Variants in GALNT7 observed in about 807,000 individuals in gnomAD.
The protein encoded by GALNT7 is N-acetylgalactosaminyltransferase 7.
In GALNT7, 60 loss-of-function variants were observed where a neutral mutation model predicts 82.1. The observed-to-expected ratio is 0.73, with a 90% CI of 0.59 to 0.91. The LOEUF is 0.91. Ranked by LOEUF, GALNT7 falls within the 40% of genes least tolerant of loss-of-function variation. The pLI is 0.00. For missense variants in GALNT7, 660 were observed against 804.2 expected (o/e 0.82, Z 2.17); for synonymous variants, 243 against 275.1 (o/e 0.88, Z 1.15).
intron 2 of GALNT7, among the ~76,000 whole-genome samples, chr4:173,265,344 T>A (rs1484713363): frequency 6.6e-6 from 1 of 152,184 alleles, no homozygotes; most frequent in Non-Finnish European, 1.5e-5. Context: ...AGCCAGCTAC[T>A]GTTTGGTGAA....
chr4:173,244,801 A>G (rs1226406708), intron 1 of GALNT7, among the ~76,000 whole-genome samples: 1 of 152,160 alleles, frequency 6.6e-6, no homozygotes, highest in African/African-American at 2.4e-5. Context: ...ACAGGAATTT[A>G]TGATTAATTG....
At chr4:173,191,510 G>C (rs1732628371) in intron 1 of GALNT7, among the ~76,000 whole-genome samples, 1 of 152,180 alleles carries the variant, frequency 6.6e-6, no homozygotes, top group Non-Finnish European at 1.5e-5. Flanking sequence ...AGGTGGGTTT[G>C]GAACTGAAAG....
chr4:173,178,052 T>TGTGCGCGCGCAC (rs563102408), intron 1 of GALNT7, among the ~76,000 whole-genome samples: 1 of 129,510 alleles, frequency 7.7e-6, no homozygotes, highest in African/African-American at 3.1e-5. Flanking sequence ...TGTGTGTGTG[T>TGTGCGCGCGCAC]GCGCGCACGC....
chr4:173,185,126 A>C (rs1229692737), intron 1 of GALNT7, among the ~76,000 whole-genome samples: 1 of 152,272 alleles, frequency 6.6e-6, no homozygotes, highest in Non-Finnish European at 1.5e-5. Flanking sequence ...GTAAAAAAGC[A>C]AAACAAAAAT....
At chr4:173,297,897 G>A in intron 5 of GALNT7, 1 of 1,506,062 alleles carries the variant, frequency 6.6e-7, no homozygotes, top group Non-Finnish European at 8.8e-7. Context: ...GAGGGGCCTG[G>A]GACTGGAGTT....
chr4:173,217,887 A>T (rs1344440270), intron 1 of GALNT7, among the ~76,000 whole-genome samples: 2 of 152,202 alleles, frequency 1.3e-5, no homozygotes, highest in African/African-American at 4.8e-5. Context: ...GATTGTGCCT[A>T]TTGTAAGATA....
At chr4:173,204,070 C>G (rs545131756) in intron 1 of GALNT7, among the ~76,000 whole-genome samples, 56 of 152,274 alleles carry the variant, frequency 3.7e-4, no homozygotes, top group African/African-American at 1.3e-3. Context: ...TCTTTTATCT[C>G]TCCTTAATTC....
rs1290154523 is a variant in GALNT7, at chr4:173,220,836, AT to A, written c.127-27138del. On this transcript the variant is annotated intron_variant, in intron 1 of 11. Transcript: ENST00000265000. ...TCCCTACAAAGGACGTGAACTCATC[AT>A]TTTTTATGGCTGCATAGTACTCCAT... is the stretch of plus-strand genomic sequence containing the variant. Among the ~76,000 whole-genome samples, 3 of 152,024 alleles carry A rather than the reference AT, an allele frequency of 2.0e-5. No homozygotes were observed. The East Asian group carries it at 5.8e-4, about 29-fold the overall frequency.
At chr4:173,276,362 C>T (rs958605727) in intron 2 of GALNT7, among the ~76,000 whole-genome samples, 4 of 151,970 alleles carry the variant, frequency 2.6e-5, no homozygotes, top group African/African-American at 7.3e-5. Context: ...TTGACCTTCA[C>T]AGGGATTGAT....
At chr4:173,175,469 T>G (rs893404364) in intron 1 of GALNT7, among the ~76,000 whole-genome samples, 1 of 152,270 alleles carries the variant, frequency 6.6e-6, no homozygotes, top group Non-Finnish European at 1.5e-5. Context: ...ACTTCAGAGC[T>G]GTGCTCTCTG....
At chr4:173,196,105 C>T (rs1732765382) in intron 1 of GALNT7, among the ~76,000 whole-genome samples, 1 of 151,212 alleles carries the variant, frequency 6.6e-6, no homozygotes, top group African/African-American at 2.4e-5. Flanking sequence ...TATTTTAATA[C>T]AGAAGGGAGT....
At chr4:173,284,318 C>T (rs974646489) in intron 2 of GALNT7, among the ~76,000 whole-genome samples, 2 of 152,162 alleles carry the variant, frequency 1.3e-5, no homozygotes, top group Non-Finnish European at 2.9e-5. Context: ...CAGTCAAGAA[C>T]ATGATTGACA....
intron 1 of GALNT7, among the ~76,000 whole-genome samples, chr4:173,183,084 A>ACACACACT (rs1554020073): frequency 2.2e-4 from 32 of 143,736 alleles, no homozygotes; most frequent in Non-Finnish European, 4.6e-4. Flanking sequence ...ACACACACAC[A>ACACACACT]CACACACTGC....
At chr4:173,245,135 G>A (rs770346427) in intron 1 of GALNT7, among the ~76,000 whole-genome samples, 12 of 149,188 alleles carry the variant, frequency 8.0e-5, no homozygotes, top group Admixed American at 2.0e-4. Context: ...AACCTAGAAT[G>A]AGGATGGAAT....
chr4:173,271,677 G>A (rs999278864), intron 2 of GALNT7, among the ~76,000 whole-genome samples: 8 of 151,918 alleles, frequency 5.3e-5, no homozygotes, highest in Non-Finnish European at 4.4e-5. Flanking sequence ...GGCTAGTCTC[G>A]AACTCCTAAC....
chr4:173,220,900 A>G (rs947849013), intron 1 of GALNT7, among the ~76,000 whole-genome samples: 3 of 151,826 alleles, frequency 2.0e-5, no homozygotes, highest in Non-Finnish European at 4.4e-5. Flanking sequence ...CCAGTCTATC[A>G]TTGTTGGACA....
At chr4:173,232,684 C>CCT (rs1423360925) in intron 1 of GALNT7, among the ~76,000 whole-genome samples, 4 of 152,148 alleles carry the variant, frequency 2.6e-5, no homozygotes, top group African/African-American at 9.7e-5. Flanking sequence ...GATCCTCCTG[C>CCT]CTCAGCCTCC....
In GALNT7 at chr4:173,178,889, C is replaced by T. The variant is rs192574782; in HGVS notation, c.126+9928C>T. Among the ~76,000 whole-genome samples, 11 of 152,274 alleles carry T rather than the reference C, an allele frequency of 7.2e-5. No homozygotes were observed. The East Asian group carries it at 1.5e-3, about 21-fold the overall frequency. Reference sequence around the variant, plus strand: ...GAGTTAAAATTAAGTCACATACTATCGGAAACCATTTTGTATGAGAATAGA... The same window carrying T: ...GAGTTAAAATTAAGTCACATACTATTGGAAACCATTTTGTATGAGAATAGA... On this transcript the variant is annotated intron_variant, in intron 1 of 11. Transcript: ENST00000265000.
At chr4:173,265,654 TC>T (rs1735460314) in intron 2 of GALNT7, among the ~76,000 whole-genome samples, 1 of 93,402 alleles carries the variant, frequency 1.1e-5, no homozygotes, top group Non-Finnish European at 2.1e-5. Context: ...ACCCCCTCAT[TC>T]CCCCCAATCT....
Sources: gnomAD v4.1 joint callset for allele counts (sites outside exome capture counted in the v4.1 genomes callset) on GRCh38, gnomAD v4.1.1 for gene constraint, MANE v1.5 for transcripts, NCBI Gene and HGNC (gene_info 2026-07-23, HGNC 2026-07-21) for gene names.